Variants in CAMK1D observed in about 807,000 individuals in gnomAD.
CAMK1D encodes the protein calcium/calmodulin dependent protein kinase ID.
In CAMK1D, 9 loss-of-function variants were observed where a neutral mutation model predicts 47.7. The observed-to-expected ratio is 0.19, with a 90% confidence interval of 0.11 to 0.33. The LOEUF (loss-of-function observed/expected upper bound fraction) is 0.33, where lower values mean the gene tolerates loss of function less well. CAMK1D is among the 10% of genes least tolerant of loss of function. The pLI, the probability that CAMK1D is intolerant of heterozygous loss-of-function variation, is 1.00. For synonymous variants in CAMK1D, 184 were observed against 184.9 expected (o/e 0.99, Z 0.04); for missense variants, 291 against 488.7 (o/e 0.60, Z 3.81).
intron 1 of CAMK1D, among the ~76,000 whole-genome samples, chr10:12,501,598 C>G (rs1035497699): frequency 4.6e-5 from 7 of 152,196 alleles, no homozygotes; most frequent in African/African-American, 1.7e-4. Flanking sequence ...ACCAGGAATT[C>G]CTGGCTTATC....
chr10:12,452,005 A>G lies in CAMK1D; in HGVS notation c.93-101220A>G, dbSNP rs190104096. Among the ~76,000 whole-genome samples the G allele has an allele frequency of 3.4e-3, 519 of 152,256 alleles. 2 individuals are homozygous for G. Among genetic ancestry groups the G allele is most frequent in the Non-Finnish European group, 5.0e-3 (342 of 68,014 alleles). On this transcript the variant is annotated intron_variant, in intron 1 of 10. Transcript: ENST00000619168. Reference sequence around the variant, plus strand: ...TTTTCCAAGTGGCCAATAGCCCCTTAATTGAGGGAGAGGAACCATCCAGGT... The same window carrying G: ...TTTTCCAAGTGGCCAATAGCCCCTTGATTGAGGGAGAGGAACCATCCAGGT...
chr10:12,452,118 AG>A (rs1185792798), intron 1 of CAMK1D, among the ~76,000 whole-genome samples: 11 of 152,192 alleles, frequency 7.2e-5, no homozygotes, highest in Middle Eastern at 3.2e-3. Flanking sequence ...TCCCTTTGCA[AG>A]CCTGTTTTCA....
At chr10:12,561,401 G>A (rs973703127) in intron 2 of CAMK1D, among the ~76,000 whole-genome samples, 4 of 151,922 alleles carry the variant, frequency 2.6e-5, no homozygotes. Flanking sequence ...GTGAAAACCG[G>A]GCTCTGCGAA....
chr10:12,614,408 A>G (rs900348376), intron 2 of CAMK1D, among the ~76,000 whole-genome samples: 1 of 152,172 alleles, frequency 6.6e-6, no homozygotes, highest in African/African-American at 2.4e-5. Context: ...ATGCAACCAT[A>G]TGCATCTCTC....
intron 3 of CAMK1D, among the ~76,000 whole-genome samples, chr10:12,752,953 G>C (rs1187056804): frequency 6.6e-6 from 1 of 152,138 alleles, no homozygotes; most frequent in East Asian, 1.9e-4. Context: ...AAGTATAATT[G>C]AAAAACAATT....
intron 1 of CAMK1D, among the ~76,000 whole-genome samples, chr10:12,428,489 A>G (rs1840327799): frequency 1.3e-5 from 2 of 150,920 alleles, no homozygotes; most frequent in Admixed American, 1.3e-4. Flanking sequence ...TGCTAATACC[A>G]CCTTGGTCTG....
At chr10:12,600,130 G>A (rs917153995) in intron 2 of CAMK1D, among the ~76,000 whole-genome samples, 2 of 151,984 alleles carry the variant, frequency 1.3e-5, no homozygotes, top group African/African-American at 2.4e-5. Context: ...AGGGAAGGAG[G>A]GTGGGAAGAA....
chr10:12,622,464 G>A lies in CAMK1D; in HGVS notation c.225-44272G>A, dbSNP rs1162244028. Among the ~76,000 whole-genome samples, 10 of 151,996 alleles carry A rather than the reference G, an allele frequency of 6.6e-5. 1 individual carries two copies. In the South Asian group the frequency reaches 1.0e-3, roughly 16 times the overall value. Reference sequence around the variant, plus strand: ...GGTCTCAGTGCCAGGTTCTTCTTTGGATCCCAAGATCCCTAATCCCATCTC... The same window carrying A: ...GGTCTCAGTGCCAGGTTCTTCTTTGAATCCCAAGATCCCTAATCCCATCTC... On this transcript the variant is annotated intron_variant, in intron 2 of 10. Coordinates refer to ENST00000619168, the MANE Select transcript of CAMK1D (RefSeq NM_153498.4).
In CAMK1D at chr10:12,406,777, C is replaced by A. The variant is rs1588451291; in HGVS notation, c.92+56867C>A. On this transcript the variant is annotated intron_variant, in intron 1 of 10. Transcript: ENST00000619168. ...ATCAAGGTATTGAACTCTGTAAAGT[C>A]ATGCGTCCAAATCTCCCTGGGCATC... Among the ~76,000 whole-genome samples, 3 of 138,714 alleles carry A rather than the reference C, an allele frequency of 2.2e-5. No homozygotes were observed. In the South Asian group the frequency reaches 7.3e-4, roughly 34 times the overall value. 91.0% of individuals were successfully genotyped at this position (138,714 alleles called of 152,430 possible). A position where few individuals can be genotyped will look rare whatever the true frequency, so the allele number is the denominator to read the frequency against.
intron 1 of CAMK1D, among the ~76,000 whole-genome samples, chr10:12,437,383 C>T (rs149811641): frequency 0.018 from 2,739 of 152,172 alleles, 80 homozygotes; most frequent in African/African-American, 0.056. Flanking sequence ...TTAGTGGAGA[C>T]GGGGTTTCAC....
intron 1 of CAMK1D, among the ~76,000 whole-genome samples, chr10:12,517,051 C>A (rs900591458): frequency 6.6e-6 from 1 of 152,120 alleles, no homozygotes; most frequent in Non-Finnish European, 1.5e-5. Flanking sequence ...TCTTTGATTT[C>A]TTTAATCAAT....
Position 12,426,851 on chromosome 10 carries a change from A to G in CAMK1D, c.92+76941A>G, listed in dbSNP as rs532602025. On this transcript the variant is annotated intron_variant, in intron 1 of 10. Transcript: ENST00000619168. ...AGCCTCTGCCTCTTGAGTAGCTGGG[A>G]CCACAGGTGCATGCCACCACGCCCA... Among the ~76,000 whole-genome samples the G allele has an allele frequency of 7.9e-5, 12 of 152,262 alleles. No individual in the cohort carries two copies. The South Asian group carries it at 2.5e-3, about 32-fold the overall frequency.
intron 1 of CAMK1D, among the ~76,000 whole-genome samples, chr10:12,366,749 C>T (rs1837847916): frequency 6.6e-6 from 1 of 151,946 alleles, no homozygotes; most frequent in Admixed American, 6.6e-5. Context: ...GGAGAGACCC[C>T]AGAGATTAGT....
chr10:12,374,631 T>C (rs1012029151), intron 1 of CAMK1D, among the ~76,000 whole-genome samples: 2 of 152,196 alleles, frequency 1.3e-5, no homozygotes, highest in African/African-American at 4.8e-5. Flanking sequence ...AGTTGTCCTA[T>C]ATTTTTCTTT....
chr10:12,576,978 T>C (rs1837508378), intron 2 of CAMK1D, among the ~76,000 whole-genome samples: 1 of 152,102 alleles, frequency 6.6e-6, no homozygotes, highest in Non-Finnish European at 1.5e-5. Context: ...AAACCCAGCC[T>C]GGGGAAAGGG....
chr10:12,810,191 T>C lies in CAMK1D; in HGVS notation c.642-4004T>C, dbSNP rs1440310972. ...AAAGGCGTTAGGAGGGTGGATCACA[T>C]GTTAAGTGTCCTTACCACAAAATAA... On this transcript the variant is annotated intron_variant, in intron 6 of 10. Coordinates refer to ENST00000619168, the MANE Select transcript of CAMK1D (RefSeq NM_153498.4). Among the ~76,000 whole-genome samples the C allele has an allele frequency of 2.1e-5, 3 of 142,384 alleles. 1 individual carries two copies. In the East Asian group the frequency reaches 6.3e-4, roughly 30 times the overall value. The allele number at this position is 142,384 out of a possible 152,430, so 93.4% of individuals were successfully genotyped here. A position where few individuals can be genotyped will look rare whatever the true frequency, so the allele number is the denominator to read the frequency against.
intron 3 of CAMK1D, among the ~76,000 whole-genome samples, chr10:12,693,289 C>T (rs527379876): frequency 4.6e-5 from 7 of 152,136 alleles, no homozygotes; most frequent in Non-Finnish European, 7.4e-5. Context: ...TGCTTGAACA[C>T]GGTAGGCAGA....
At chr10:12,446,465 G>A (rs542920669) in intron 1 of CAMK1D, among the ~76,000 whole-genome samples, 9 of 152,262 alleles carry the variant, frequency 5.9e-5, no homozygotes, top group South Asian at 2.1e-4. Context: ...GGATTTGGCC[G>A]CTTCTTTACC....
intron 5 of CAMK1D, among the ~76,000 whole-genome samples, chr10:12,788,829 A>G (rs1388889488): frequency 1.3e-5 from 2 of 152,234 alleles, no homozygotes; most frequent in Non-Finnish European, 2.9e-5. Context: ...CTCACTTTGT[A>G]GTTCTGTCTC....
Sources: allele counts gnomAD v4.1 joint callset (sites outside exome capture counted in the v4.1 genomes callset), GRCh38; gene constraint gnomAD v4.1.1; transcripts MANE v1.5; gene names NCBI Gene and HGNC (gene_info 2026-07-23, HGNC 2026-07-21).